The following GARNL3 variants were observed in gnomAD, a reference collection of about 807,000 sequenced individuals.
GARNL3 encodes GTPase activating Rap/RanGAP domain like 3, also known as GTPase-activating Rap/Ran-GAP domain-like protein 3.
A neutral mutation model predicts 125.0 loss-of-function variants in GARNL3; 63 were observed. The ratio of observed to expected loss-of-function variants is 0.50; its 90% CI spans 0.41 to 0.62. GARNL3 has a LOEUF of 0.62. GARNL3 is among the 20% of genes least tolerant of loss of function. The probability of loss-of-function intolerance (pLI) is 0.00; values close to 1 mark genes in which losing one functional copy is unlikely to be tolerated. For synonymous variants in GARNL3, 439 were observed against 457.5 expected (o/e 0.96, Z 0.52); for missense variants, 994 against 1,244.0 (o/e 0.80, Z 3.02).
chr9:127,240,565 C>T (rs866399118), intron 1 of GARNL3, among the ~76,000 whole-genome samples: 1 of 152,154 alleles, frequency 6.6e-6, no homozygotes, highest in African/African-American at 2.4e-5. Context: ...TATAAAGCAA[C>T]CTACATATGT....
intron 5 of GARNL3, 68 bp downstream of exon 5, chr9:127,318,195 A>G: frequency 4.3e-6 from 4 of 925,626 alleles, no homozygotes; most frequent in South Asian, 3.9e-5. Flanking sequence ...TTTGCCTGTG[A>G]TCATTCTGAT....
intron 1 of GARNL3, among the ~76,000 whole-genome samples, chr9:127,286,776 T>G (rs551253563): frequency 1.8e-4 from 28 of 152,242 alleles, no homozygotes; most frequent in Non-Finnish European, 4.1e-4. Flanking sequence ...CTCTGATATT[T>G]CAGATTTTAC....
chr9:127,387,459 C>A, intron 25 of GARNL3, 128 bp downstream of exon 25: 1 of 989,134 alleles, frequency 1.0e-6, no homozygotes, highest in Non-Finnish European at 1.4e-6. Flanking sequence ...AAAAAAGAAA[C>A]TAGCTGAGCG....
At chr9:127,303,199 A>G (rs1293848785) in intron 2 of GARNL3, among the ~76,000 whole-genome samples, 1 of 152,202 alleles carries the variant, frequency 6.6e-6, no homozygotes, top group East Asian at 1.9e-4. Flanking sequence ...TTTCTTTAGC[A>G]GAGAAAAATT....
rs2064069974 is a variant in GARNL3 at position 127,280,248 on chromosome 9, C to T, written c.145-10920C>T. On this transcript the variant is annotated intron_variant, in intron 1 of 27. Transcript: ENST00000373387. This position sits in a 1 kb window ranked among gnomAD's most constrained non-coding sequence, Gnocchi z 4.5. The stretch of plus-strand genomic sequence containing the variant: ...TCCCTGGGATGCTCTGCCCTCAGGA[C>T]TCTCCATGTCTCGCTCCCTACCTGG... Among the ~76,000 whole-genome samples the T allele has an allele frequency of 6.6e-6, 1 of 152,204 alleles. No individual in the cohort carries two copies.
At chr9:127,382,002 G>T (rs944640464) in intron 22 of GARNL3, among the ~76,000 whole-genome samples, 2 of 151,800 alleles carry the variant, frequency 1.3e-5, no homozygotes, top group African/African-American at 4.8e-5. Flanking sequence ...CATTCTTTAT[G>T]ATGTTAATAA....
intron 2 of GARNL3, among the ~76,000 whole-genome samples, chr9:127,294,288 A>C (rs1313315808): frequency 2.0e-5 from 3 of 151,856 alleles, no homozygotes; most frequent in African/African-American, 4.8e-5. Flanking sequence ...TCTGGTAAGC[A>C]CTCCAGTGCT....
chr9:127,260,422 A>G (rs1041432283), upstream of GARNL3, among the ~76,000 whole-genome samples: 2 of 152,124 alleles, frequency 1.3e-5, no homozygotes, highest in Non-Finnish European at 2.9e-5. Flanking sequence ...CAAAGCTCAG[A>G]CTCTAAAGTC....
Position 127,385,010 on chromosome 9 carries a change from C to T in GARNL3, c.2270-17C>T. 1 of 1,552,258 alleles carries T rather than the reference C, an allele frequency of 6.4e-7. No individual in the cohort carries two copies. Among genetic ancestry groups the T allele is most frequent in the Non-Finnish European group, 8.8e-7 (1 of 1,130,030 alleles). On this transcript the variant is annotated splice_polypyrimidine_tract_variant and intron_variant, in intron 23 of 27. Transcript: ENST00000373387. The surrounding 1 kb of genome is among the most constrained non-coding windows in gnomAD (Gnocchi z 4.1). ...CCAAGCCAGCAGCTGGGAGGTGACA[C>T]TCCCGTTCCCTTGCAGTCTGTGCTT...
chr9:127,304,621 C>T (rs753188270), intron 2 of GARNL3, among the ~76,000 whole-genome samples: 1 of 150,004 alleles, frequency 6.7e-6, no homozygotes, highest in Non-Finnish European at 1.5e-5. Context: ...CTGCAACCTC[C>T]GTCTCTTGGA....
At chr9:127,260,670 C>T (rs1420016836), upstream of GARNL3, among the ~76,000 whole-genome samples, 1 of 152,154 alleles carries the variant, frequency 6.6e-6, no homozygotes, top group East Asian at 1.9e-4. Flanking sequence ...CAGTTCATAA[C>T]CACTGGGCAT....
upstream of GARNL3, among the ~76,000 whole-genome samples, chr9:127,261,819 C>T (rs981200255): frequency 3.3e-5 from 5 of 152,178 alleles, no homozygotes; most frequent in African/African-American, 1.2e-4. Context: ...ACTGATTTCT[C>T]AAGTCCATGA....
In GARNL3 at chr9:127,393,187, C is replaced by T. The variant is rs143243195; in HGVS notation, c.2975C>T (p.Pro992Leu). Residue 992 changes from proline to leucine, a missense_variant, in exon 28 of 28, where the codon CCG becomes CTG. By Grantham distance (98) the Pro-to-Leu change is moderately conservative. Coordinates refer to ENST00000373387, the MANE Select transcript of GARNL3 (RefSeq NM_032293.5). The stretch of plus-strand genomic sequence containing the variant: ...CCTGTGGCAGACAGAGAGGGCAGCC[C>T]GGTCTCCGGCAGCAGCCCCTTCCAG... ...QDPVADREGS[P>L]VSGSSPFQLT... 9.2e-5 allele frequency: 148 copies of T among 1,613,616 alleles called. No homozygotes were observed. The highest frequency in any genetic ancestry group is 1.1e-4 in the Non-Finnish European group (135 of 1,179,610).
intron 1 of GARNL3, among the ~76,000 whole-genome samples, chr9:127,282,754 T>C (rs1430125202): frequency 1.3e-5 from 2 of 152,160 alleles, no homozygotes; most frequent in Non-Finnish European, 2.9e-5. Flanking sequence ...ACAGAGATCA[T>C]AGGGAATACC....
At chr9:127,286,692 A>G (rs2064258959) in intron 1 of GARNL3, among the ~76,000 whole-genome samples, 1 of 152,200 alleles carries the variant, frequency 6.6e-6, no homozygotes, top group Non-Finnish European at 1.5e-5. Flanking sequence ...ATGCTCCCAA[A>G]TTATTACCAT....
At chr9:127,382,640 TA>T (rs991618409) in intron 22 of GARNL3, among the ~76,000 whole-genome samples, 5 of 152,090 alleles carry the variant, frequency 3.3e-5, no homozygotes, top group African/African-American at 1.2e-4. Context: ...ATTTAAATTT[TA>T]AAAATGTGAT....
chr9:127,323,927 G>A (rs1182159421), intron 6 of GARNL3, among the ~76,000 whole-genome samples: 5 of 152,178 alleles, frequency 3.3e-5, no homozygotes, highest in Admixed American at 1.3e-4. Flanking sequence ...TAAAAAATGT[G>A]TAACATAATT....
chr9:127,322,309 G>A (rs544998250), intron 6 of GARNL3, among the ~76,000 whole-genome samples: 2 of 152,032 alleles, frequency 1.3e-5, no homozygotes, highest in African/African-American at 4.8e-5. Flanking sequence ...CCAGAGCTCT[G>A]TGATGCTTCT....
At chr9:127,337,372 T>G (rs778662817) in intron 11 of GARNL3, among the ~76,000 whole-genome samples, 13 of 152,126 alleles carry the variant, frequency 8.5e-5, no homozygotes, top group African/African-American at 1.2e-4. Context: ...GTTTTAGATT[T>G]GGGGCTTGGC....
Sources: allele counts gnomAD v4.1 joint callset (sites outside exome capture counted in the v4.1 genomes callset), GRCh38; gene constraint gnomAD v4.1.1; non-coding constraint Gnocchi (gnomAD v3.1); transcripts MANE v1.5; gene names NCBI Gene and HGNC (gene_info 2026-07-23, HGNC 2026-07-21).